Variants in MDGA2 observed in about 807,000 individuals in gnomAD.
The protein encoded by MDGA2 is MAM domain-containing glycosylphosphatidylinositol anchor protein 2.
In MDGA2, 40 loss-of-function variants were observed where a neutral mutation model predicts 117.8. The ratio of observed to expected loss-of-function variants is 0.34; its 90% CI spans 0.26 to 0.44. The LOEUF is 0.44. MDGA2 is among the 20% of genes least tolerant of loss of function. The pLI, the probability that MDGA2 is intolerant of heterozygous loss-of-function variation, is 1.00. For missense variants in MDGA2, 1,123 were observed against 1,250.6 expected, an observed-to-expected ratio of 0.90 and a Z score of 1.54; for synonymous variants, 452 against 439.0, an observed-to-expected ratio of 1.03 and a Z score of -0.37.
chr14:47,114,955 C>CAAAAA (rs35950492), intron 5 of MDGA2, among the ~76,000 whole-genome samples: 1 of 127,314 alleles, frequency 7.9e-6, no homozygotes, highest in African/African-American at 2.7e-5. Flanking sequence ...TCTGCACAGC[C>CAAAAA]AAAAAAAAAA....
intron 7 of MDGA2, chr14:47,059,069 A>T: frequency 9.8e-7 from 1 of 1,018,890 alleles, no homozygotes; most frequent in African/African-American, 1.7e-5. Flanking sequence ...AGGGAATTAC[A>T]ATAAGGGCAG....
At chr14:47,482,155 G>A (rs1352353825) in intron 1 of MDGA2, among the ~76,000 whole-genome samples, 3 of 151,986 alleles carry the variant, frequency 2.0e-5, no homozygotes, top group African/African-American at 7.2e-5. Flanking sequence ...ATTTCCAGGT[G>A]AAAAGAAAAC....
intron 9 of MDGA2, among the ~76,000 whole-genome samples, chr14:46,922,169 A>G (rs1272779148): frequency 6.6e-6 from 1 of 152,212 alleles, no homozygotes; most frequent in Admixed American, 6.5e-5. Flanking sequence ...AAATGTTAAC[A>G]GATACATGAA....
chr14:47,096,971 T>C lies in MDGA2; in HGVS notation c.1078A>G (p.Asn360Asp), dbSNP rs1191936839. Reference sequence around the variant, plus strand: ...GCAGGTATGGTCAAAGTTCCTCCATTCAAAACAGTCTTTTCAGGCAGAGTC... The same window carrying C: ...GCAGGTATGGTCAAAGTTCCTCCATCCAAAACAGTCTTTTCAGGCAGAGTC... ...FGTLPEKTVLNGGTLTIPAIT... is the reference protein window; with the variant it reads ...FGTLPEKTVLDGGTLTIPAIT... The change falls in exon 6 of 17, where the codon AAT becomes GAT. Residue 360 changes from asparagine (N) to aspartate (D), a missense_variant. By Grantham distance (23) the Asn-to-Asp change is conservative. This residue lies in a region of MDGA2 where 890 missense variants were observed against 1,050.3 expected (regional missense o/e 0.85). Transcript: ENST00000399232. 6.2e-7 allele frequency: 1 copy of C among 1,613,304 alleles called. No homozygotes were observed. The highest frequency in any genetic ancestry group is 8.5e-7 in the Non-Finnish European group (1 of 1,179,488).
chr14:47,628,842 G>A (rs1338949039), intron 1 of MDGA2, among the ~76,000 whole-genome samples: 3 of 152,218 alleles, frequency 2.0e-5, no homozygotes, highest in Non-Finnish European at 4.4e-5. Context: ...GAAGGAAACT[G>A]CTGCGTTTGA....
chr14:47,120,881 A>G (rs1881616003), intron 5 of MDGA2, among the ~76,000 whole-genome samples: 1 of 152,298 alleles, frequency 6.6e-6, no homozygotes, highest in South Asian at 2.1e-4. Flanking sequence ...ACGTAAACCA[A>G]TGTGGATGTT....
chr14:47,472,546 T>TTG, intron 1 of MDGA2, among the ~76,000 whole-genome samples: 1 of 152,188 alleles, frequency 6.6e-6, no homozygotes, highest in Admixed American at 6.6e-5. Context: ...CCTTGTCTGC[T>TTG]TCCACGACAA....
At chr14:46,930,234 G>C (rs1595051551) in intron 9 of MDGA2, among the ~76,000 whole-genome samples, 2 of 152,080 alleles carry the variant, frequency 1.3e-5, no homozygotes, top group East Asian at 3.9e-4. Flanking sequence ...GTCTCCCACA[G>C]ATAGATAATT....
intron 6 of MDGA2, among the ~76,000 whole-genome samples, chr14:47,078,442 A>G (rs1158520106): frequency 6.6e-6 from 1 of 152,144 alleles, no homozygotes; most frequent in Non-Finnish European, 1.5e-5. Context: ...GCCTCCCATA[A>G]AAAACATGGA....
chr14:47,278,389 G>GA (rs147422837), intron 2 of MDGA2, among the ~76,000 whole-genome samples: 29,399 of 152,004 alleles, frequency 0.19, 3,087 homozygotes, highest in South Asian at 0.29. Flanking sequence ...CATGAAGCCA[G>GA]AACTCAGACT....
chr14:47,595,141 C>G (rs906405542), intron 1 of MDGA2, among the ~76,000 whole-genome samples: 1 of 151,674 alleles, frequency 6.6e-6, no homozygotes, highest in Admixed American at 6.6e-5. Context: ...AGTTTGCATA[C>G]TATAAAGGCC....
At chr14:47,402,127 T>G (rs1892162018) in intron 1 of MDGA2, among the ~76,000 whole-genome samples, 1 of 152,198 alleles carries the variant, frequency 6.6e-6, no homozygotes, top group African/African-American at 2.4e-5. Flanking sequence ...CCTCAATGCC[T>G]ATATTCGTAG....
chr14:46,984,169 C>T (rs1886784355), intron 8 of MDGA2, among the ~76,000 whole-genome samples: 1 of 151,922 alleles, frequency 6.6e-6, no homozygotes, highest in African/African-American at 2.4e-5. Context: ...CTTATGTTAT[C>T]AAACACAGAA....
At chr14:47,021,626 C>T (rs905099375) in intron 8 of MDGA2, among the ~76,000 whole-genome samples, 1 of 152,132 alleles carries the variant, frequency 6.6e-6, no homozygotes, top group Non-Finnish European at 1.5e-5. Flanking sequence ...TTAATTCAAG[C>T]ATGCAGTTTC....
chr14:47,402,343 C>A (rs796398595), intron 1 of MDGA2, among the ~76,000 whole-genome samples: 3 of 124,042 alleles, frequency 2.4e-5, no homozygotes, highest in African/African-American at 6.0e-5. Context: ...CCCGCCCCCC[C>A]ACCCCGCAAA....
At chr14:47,647,966 CCA>C (rs1157188568) in intron 1 of MDGA2, among the ~76,000 whole-genome samples, 1 of 151,900 alleles carries the variant, frequency 6.6e-6, no homozygotes, top group African/African-American at 2.4e-5. Flanking sequence ...ATTACAGATG[CCA>C]CCAAAATATG....
chr14:47,318,472 G>A (rs1889875901), intron 1 of MDGA2, among the ~76,000 whole-genome samples: 1 of 152,028 alleles, frequency 6.6e-6, no homozygotes, highest in Non-Finnish European at 1.5e-5. Flanking sequence ...TGACCCCTGT[G>A]AACAAATCCA....
chr14:47,493,877 T>C (rs1439182109), intron 1 of MDGA2, among the ~76,000 whole-genome samples: 1 of 152,128 alleles, frequency 6.6e-6, no homozygotes, highest in Non-Finnish European at 1.5e-5. Context: ...TAGATATAGA[T>C]TGCTGTGTGG....
intron 11 of MDGA2, among the ~76,000 whole-genome samples, chr14:46,878,152 T>G (rs1474708597): frequency 6.6e-6 from 1 of 151,942 alleles, no homozygotes; most frequent in East Asian, 1.9e-4. Context: ...AAAGAATTTT[T>G]TTTCCCCTAA....
Sources: allele counts gnomAD v4.1 joint callset (sites outside exome capture counted in the v4.1 genomes callset), GRCh38; gene constraint gnomAD v4.1.1; regional missense constraint gnomAD v4.1.1; transcripts MANE v1.5; gene names NCBI Gene and HGNC (gene_info 2026-07-23, HGNC 2026-07-21).